The following TMEM209 variants were observed in gnomAD, a reference collection of about 807,000 sequenced individuals.
The protein encoded by TMEM209 is testicular tissue protein Li 202.
TMEM209 carries 65 observed loss-of-function variants against 76.2 expected under a neutral mutation model. The ratio of observed to expected loss-of-function variants is 0.85; its 90% CI spans 0.70 to 1.05. The LOEUF (loss-of-function observed/expected upper bound fraction) is 1.05. TMEM209 is among the 50% of genes least tolerant of loss of function. The probability of loss-of-function intolerance (pLI) is 0.00; values close to 1 mark genes in which losing one functional copy is unlikely to be tolerated. For missense variants in TMEM209, 623 were observed against 685.5 expected, an observed-to-expected ratio of 0.91 and a Z score of 1.02; for synonymous variants, 239 against 237.6, an observed-to-expected ratio of 1.01 and a Z score of -0.06.
In TMEM209 at chr7:130,194,436, C is replaced by A. The variant is rs535949621; in HGVS notation, c.574-1613G>T. On this transcript the variant is annotated intron_variant, in intron 5 of 14. Transcript: ENST00000397622. ...CCAGCCTGGGTGATAAAGAGCAAGA[C>A]CCTATCTCTTAAAAAAACAAGTAAC... 1.7e-4 allele frequency among the ~76,000 whole-genome samples: 26 copies of A among 151,702 alleles called. No individual in the cohort carries two copies. In the South Asian group the frequency reaches 5.4e-3, roughly 32 times the overall value.
At chr7:130,177,025 T>G (rs553146539) in intron 10 of TMEM209, among the ~76,000 whole-genome samples, 479 of 40,704 alleles carry the variant, frequency 0.012, 7 homozygotes, top group African/African-American at 0.035. Context: ...GCGAGCCGGG[T>G]CTCAAAAAAA....
At chr7:130,193,041 C>T (rs1797852366) in intron 5 of TMEM209, among the ~76,000 whole-genome samples, 2 of 152,118 alleles carry the variant, frequency 1.3e-5, no homozygotes, top group South Asian at 4.1e-4. Flanking sequence ...CTGTTTCTTA[C>T]AAAAGTAAAT....
At chr7:130,191,060 C>G (rs570303957) in intron 6 of TMEM209, among the ~76,000 whole-genome samples, 1 of 151,648 alleles carries the variant, frequency 6.6e-6, no homozygotes, top group Admixed American at 6.6e-5. Context: ...ACTTATTAAT[C>G]ATTTATTAAT....
At chr7:130,190,971 C>T (rs1428141191) in intron 6 of TMEM209, among the ~76,000 whole-genome samples, 1 of 150,348 alleles carries the variant, frequency 6.7e-6, no homozygotes, top group Non-Finnish European at 1.5e-5. Context: ...AACAGTGAGA[C>T]CTAGTCTCAA....
At chr7:130,176,399 G>C (rs192116590) in intron 10 of TMEM209, among the ~76,000 whole-genome samples, 1 of 152,168 alleles carries the variant, frequency 6.6e-6, no homozygotes. Flanking sequence ...GGGATTACAG[G>C]CGTGAGCCAC....
At chr7:130,183,449 T>A (rs1797492276) in intron 8 of TMEM209, among the ~76,000 whole-genome samples, 1 of 152,236 alleles carries the variant, frequency 6.6e-6, no homozygotes, top group Non-Finnish European at 1.5e-5. Context: ...TTTGCCCCTC[T>A]ATTTTGATGC....
In TMEM209 at chr7:130,201,916, C is replaced by T; in HGVS notation, c.507G>A (p.Leu169=). 2 of 1,613,852 alleles carry T rather than the reference C, an allele frequency of 1.2e-6. No individual in the cohort carries two copies. The highest frequency in any genetic ancestry group is 1.7e-5 in the Admixed American group (1 of 60,000). Residue 169 remains leucine, a synonymous_variant, in exon 5 of 15, where the codon CTG becomes CTA. Coordinates refer to ENST00000397622, the MANE Select transcript of TMEM209 (RefSeq NM_032842.4). Reference sequence around the variant, plus strand: ...TATAAGAACCACTGCCACCTGAGGACAGACCTTGCAGCTGAGGGCTGTAAC... The same window carrying T: ...TATAAGAACCACTGCCACCTGAGGATAGACCTTGCAGCTGAGGGCTGTAAC... The part of the protein sequence containing the change: ...MTGYSPQLQG[L]SSGGSGSYSP...
At chr7:130,176,743 A>C (rs1797248968) in intron 10 of TMEM209, among the ~76,000 whole-genome samples, 1 of 152,224 alleles carries the variant, frequency 6.6e-6, no homozygotes, top group South Asian at 2.1e-4. Context: ...TGAAATAACC[A>C]ATTGCAATGT....
intron 9 of TMEM209, among the ~76,000 whole-genome samples, chr7:130,180,622 G>A (rs766662684): frequency 3.9e-5 from 6 of 152,058 alleles, no homozygotes; most frequent in Non-Finnish European, 7.4e-5. Flanking sequence ...GCCCACCTCC[G>A]CCTCCCAAAG....
In TMEM209 at chr7:130,165,323, A is replaced by G. The variant is rs1373607637; in HGVS notation, c.*1128T>C. ...ACATATACAGAAAATAAAGATGGTGAGTCAAACAAAACATACAAACTTGGT... is the reference window on the plus strand; with the variant it reads ...ACATATACAGAAAATAAAGATGGTGGGTCAAACAAAACATACAAACTTGGT... On this transcript the variant is annotated 3_prime_UTR_variant, in exon 15 of 15. Coordinates refer to ENST00000397622, the MANE Select transcript of TMEM209 (RefSeq NM_032842.4). The G allele has an allele frequency of 6.6e-6, 1 of 152,228 alleles. No homozygotes were observed. The highest frequency in any genetic ancestry group is 1.5e-5 in the Non-Finnish European group (1 of 68,038). The allele number at this position is 152,228 out of a possible 1,614,324, so 9.4% of individuals were successfully genotyped here.
chr7:130,190,162 T>C (rs541358008), intron 6 of TMEM209, among the ~76,000 whole-genome samples: 2 of 152,176 alleles, frequency 1.3e-5, no homozygotes, highest in South Asian at 4.1e-4. Flanking sequence ...AACAAATAAA[T>C]GTAAAAGGCA....
At chr7:130,168,530 ATGTG>A (rs1796950329) in intron 14 of TMEM209, among the ~76,000 whole-genome samples, 1 of 152,208 alleles carries the variant, frequency 6.6e-6, no homozygotes, top group Non-Finnish European at 1.5e-5. Flanking sequence ...TCTAATATAT[ATGTG>A]TAAGTATATT....
At chr7:130,174,119 G>C (rs141761566) in intron 11 of TMEM209, among the ~76,000 whole-genome samples, 180 bp from the exon 12 acceptor site, 8 of 152,276 alleles carry the variant, frequency 5.3e-5, no homozygotes, top group Non-Finnish European at 1.0e-4. Context: ...AGAATAAAAA[G>C]ATAAAAACAC....
rs1306217209 is a variant in TMEM209, at chr7:130,175,623, G to A, written c.1247-14C>T. The A allele has an allele frequency of 1.9e-6, 3 of 1,599,686 alleles. No homozygotes were observed. The highest frequency in any genetic ancestry group is 1.1e-5 in the South Asian group (1 of 88,600). ...CCTGAGATAGTTCTGTGGCAACAAG[G>A]TGAAATTTTTAAAAGCTAAGAGTAT... is the stretch of plus-strand genomic sequence containing the variant. On this transcript the variant is annotated splice_polypyrimidine_tract_variant and intron_variant, in intron 10 of 14. Transcript: ENST00000397622.
At chr7:130,198,559 C>T (rs908644988) in intron 5 of TMEM209, among the ~76,000 whole-genome samples, 19 of 151,412 alleles carry the variant, frequency 1.3e-4, no homozygotes, top group African/African-American at 4.4e-4. Flanking sequence ...TGCAGTGAGC[C>T]GAGATCACAC....
chr7:130,169,416 C>T (rs1307929597), intron 14 of TMEM209, among the ~76,000 whole-genome samples: 1 of 152,074 alleles, frequency 6.6e-6, no homozygotes, highest in African/African-American at 2.4e-5. Context: ...ATTTTAAGAA[C>T]ATATTTCACT....
At chr7:130,204,970 T>C (rs1276402247) in intron 1 of TMEM209, 4 of 1,106,780 alleles carry the variant, frequency 3.6e-6, no homozygotes, top group South Asian at 2.8e-5. Context: ...CACGTACTTA[T>C]GATGGGGTGG....
At chr7:130,182,182 T>C (rs1292492959) in intron 8 of TMEM209, 1 of 153,188 alleles carries the variant, frequency 6.5e-6, no homozygotes, top group Admixed American at 6.5e-5. Context: ...CCTCAGGTGA[T>C]CCGCCTGCCT....
At chr7:130,173,761 A>T in intron 12 of TMEM209, 32 bp from the exon 13 acceptor site, 4 of 1,609,616 alleles carry the variant, frequency 2.5e-6, no homozygotes, top group Non-Finnish European at 3.4e-6. Flanking sequence ...TGCATTAAAA[A>T]ACCAAACCCC....
Sources: gnomAD v4.1 joint callset for allele counts (sites outside exome capture counted in the v4.1 genomes callset) on GRCh38, gnomAD v4.1.1 for gene constraint, MANE v1.5 for transcripts, NCBI Gene and HGNC (gene_info 2026-07-23, HGNC 2026-07-21) for gene names.